The following PPM1L variants were observed in gnomAD, a reference collection of about 807,000 sequenced individuals.
The protein encoded by PPM1L is protein phosphatase, Mg2+/Mn2+ dependent 1L, also known as protein phosphatase 1L.
Under a neutral mutation model 31.4 loss-of-function variants are expected in PPM1L, and 13 were observed. The observed-to-expected ratio is 0.41, with a 90% confidence interval of 0.27 to 0.66. PPM1L has a LOEUF of 0.66. Ranked by LOEUF, PPM1L falls within the 30% of genes least tolerant of loss-of-function variation. The pLI is 0.29. For synonymous variants in PPM1L, 184 were observed against 175.4 expected (o/e 1.05, Z -0.39); for missense variants, 326 against 453.7 (o/e 0.72, Z 2.56).
chr3:160,788,966 T>C (rs892608771), intron 1 of PPM1L, among the ~76,000 whole-genome samples: 1 of 151,970 alleles, frequency 6.6e-6, no homozygotes, highest in Non-Finnish European at 1.5e-5. Context: ...TATTTTAATA[T>C]ACTTTATTTT....
chr3:160,886,709 C>T (rs1465447706), intron 1 of PPM1L, among the ~76,000 whole-genome samples: 2 of 152,074 alleles, frequency 1.3e-5, no homozygotes, highest in Non-Finnish European at 2.9e-5. Context: ...ATTCAAGGGT[C>T]AGTAGCTTCA....
intron 1 of PPM1L, among the ~76,000 whole-genome samples, chr3:160,857,548 A>T (rs1288410886): frequency 6.6e-6 from 1 of 152,114 alleles, no homozygotes; most frequent in African/African-American, 2.4e-5. Flanking sequence ...TCTGAAGTTC[A>T]TATGTATAAT....
At position 160,756,434 on chromosome 3, in the gene PPM1L, C is replaced by T. The variant is rs770336415; in HGVS notation, c.126C>T (p.Thr42=). Residue 42 remains threonine, a synonymous_variant, in exon 1 of 4, where the codon ACC becomes ACT. Transcript: ENST00000498165. This position sits in a 1 kb window ranked among gnomAD's most constrained non-coding sequence, Gnocchi z 6.2. ...CTCTATGGAGTTACTTCTTCCACACCGACGAGGTGAAGACCATCGTGAAGT... is the reference window on the plus strand; with the variant it reads ...CTCTATGGAGTTACTTCTTCCACACTGACGAGGTGAAGACCATCGTGAAGT... ...SLALWSYFFH[T]DEVKTIVKSS... is the part of the protein sequence containing the mutation. The T allele has an allele frequency of 1.2e-6, 2 of 1,614,084 alleles. No homozygotes were observed. Among genetic ancestry groups the T allele is most frequent in the Non-Finnish European group, 1.7e-6 (2 of 1,180,046 alleles).
intron 2 of PPM1L, among the ~76,000 whole-genome samples, chr3:160,992,365 C>T (rs897479660): frequency 5.3e-5 from 8 of 152,158 alleles, no homozygotes; most frequent in Non-Finnish European, 1.2e-4. Flanking sequence ...ACACCATTAT[C>T]TCTAAAACGG....
chr3:160,834,395 C>T (rs566826812), intron 1 of PPM1L, among the ~76,000 whole-genome samples: 50 of 151,104 alleles, frequency 3.3e-4, no homozygotes, highest in African/African-American at 1.0e-3. Flanking sequence ...GTAGAAGTGC[C>T]GTCTTATTTC....
intron 3 of PPM1L, 115 bp from the exon 4 acceptor site, chr3:161,068,696 G>T (rs993035868): frequency 1.6e-5 from 13 of 794,092 alleles, no homozygotes; most frequent in Non-Finnish European, 2.6e-5. Context: ...GTTAAGGGGA[G>T]TGCCCACAGC....
At chr3:160,919,370 A>T (rs1280344399) in intron 1 of PPM1L, among the ~76,000 whole-genome samples, 2 of 152,118 alleles carry the variant, frequency 1.3e-5, no homozygotes, top group African/African-American at 4.8e-5. Flanking sequence ...CCAAAATAGG[A>T]TATTTGATTG....
chr3:160,974,591 G>A (rs1716496722), intron 2 of PPM1L, among the ~76,000 whole-genome samples: 1 of 151,688 alleles, frequency 6.6e-6, no homozygotes, highest in African/African-American at 2.4e-5. Flanking sequence ...GTATCTCATT[G>A]TGGTTTTGAT....
At chr3:160,923,246 G>A (rs1373313703) in intron 1 of PPM1L, among the ~76,000 whole-genome samples, 1 of 152,146 alleles carries the variant, frequency 6.6e-6, no homozygotes, top group East Asian at 1.9e-4. Flanking sequence ...TTGATCATGA[G>A]ACTTTGGGCA....
intron 1 of PPM1L, among the ~76,000 whole-genome samples, chr3:160,801,325 A>C (rs1053818714): frequency 6.6e-6 from 1 of 152,166 alleles, no homozygotes; most frequent in African/African-American, 2.4e-5. Flanking sequence ...TACGAACATA[A>C]AACCTTTGCT....
At chr3:160,776,755 C>G (rs1054756550) in intron 1 of PPM1L, among the ~76,000 whole-genome samples, 4 of 151,870 alleles carry the variant, frequency 2.6e-5, no homozygotes, top group Non-Finnish European at 5.9e-5. Context: ...CACATGCTAC[C>G]ACACCTGACT....
intron 2 of PPM1L, among the ~76,000 whole-genome samples, chr3:161,031,518 T>TTTTTTTTTGA (rs1406526488): frequency 1.3e-5 from 2 of 149,520 alleles, no homozygotes; most frequent in African/African-American, 5.0e-5. Context: ...TTTTTTTTTT[T>TTTTTTTTTGA]GAGAGAGAGT....
chr3:160,963,983 T>G (rs531623053), intron 2 of PPM1L, among the ~76,000 whole-genome samples: 1 of 152,186 alleles, frequency 6.6e-6, no homozygotes, highest in South Asian at 2.1e-4. Context: ...ATTAACCTCT[T>G]AGAACCTATG....
intron 1 of PPM1L, among the ~76,000 whole-genome samples, chr3:160,952,687 G>T (rs1227041681): frequency 1.3e-5 from 2 of 152,128 alleles, no homozygotes; most frequent in Non-Finnish European, 2.9e-5. Context: ...AAATTTATCA[G>T]TGTTAAATTT....
intron 1 of PPM1L, among the ~76,000 whole-genome samples, chr3:160,916,369 T>C (rs1714182633): frequency 6.6e-6 from 1 of 152,072 alleles, no homozygotes; most frequent in Non-Finnish European, 1.5e-5. Flanking sequence ...GAAGGAGCTC[T>C]TATATATCCT....
chr3:160,936,569 A>G (rs2108083530), intron 1 of PPM1L, among the ~76,000 whole-genome samples: 1 of 152,370 alleles, frequency 6.6e-6, no homozygotes. Context: ...ATATGGTTTC[A>G]GAATCAACAA....
rs986401542 is a variant in PPM1L at position 161,073,439 on chromosome 3, G to A, written c.*4282G>A. 1.3e-5 allele frequency: 2 copies of A among 152,202 alleles called. No individual in the cohort carries two copies. Among genetic ancestry groups the A allele is most frequent in the Non-Finnish European group, 2.9e-5 (2 of 68,040 alleles). 9.4% of individuals were successfully genotyped at this position (152,202 alleles called of 1,614,324 possible). On this transcript the variant is annotated 3_prime_UTR_variant, in exon 4 of 4. Transcript: ENST00000498165. ...AGTACAATTTGCAACTTAGAAGCAT[G>A]AGCCTTTCATATATGAAGCTGACTT...
intron 1 of PPM1L, among the ~76,000 whole-genome samples, chr3:160,920,615 T>TCTCTCA (rs1389629070): frequency 6.3e-4 from 18 of 28,712 alleles, no homozygotes; most frequent in African/African-American, 1.9e-3. Flanking sequence ...TCTCTCTCTC[T>TCTCTCA]CACACACACA....
chr3:160,854,580 A>G (rs181840810), intron 1 of PPM1L, among the ~76,000 whole-genome samples: 13 of 152,050 alleles, frequency 8.5e-5, no homozygotes, highest in African/African-American at 3.1e-4. Context: ...CAAGAACACA[A>G]TTCAATTCAC....
Sources: gnomAD v4.1 joint callset for allele counts (sites outside exome capture counted in the v4.1 genomes callset) on GRCh38, gnomAD v4.1.1 for gene constraint, Gnocchi (gnomAD v3.1) non-coding constraint, MANE v1.5 for transcripts, NCBI Gene and HGNC (gene_info 2026-07-23, HGNC 2026-07-21) for gene names.